The following SLC30A4 variants were observed in gnomAD, a reference collection of about 807,000 sequenced individuals.
The protein encoded by SLC30A4 is probable proton-coupled zinc antiporter SLC30A4.
In SLC30A4, 20 loss-of-function variants were observed where a neutral mutation model predicts 41.7. The observed-to-expected ratio is 0.48, with a 90% confidence interval of 0.34 to 0.70. The LOEUF is 0.70. Ranked by LOEUF, SLC30A4 falls within the 30% of genes least tolerant of loss-of-function variation. SLC30A4 has a pLI of 0.01. For synonymous variants in SLC30A4, 181 were observed against 195.9 expected (o/e 0.92, Z 0.64); for missense variants, 441 against 529.3 (o/e 0.83, Z 1.64).
At chr15:45,493,601 G>A (rs556566579) in intron 3 of SLC30A4, among the ~76,000 whole-genome samples, 1 of 152,294 alleles carries the variant, frequency 6.6e-6, no homozygotes, top group Admixed American at 6.5e-5. Context: ...GCCGAGGCGG[G>A]CGGATCACAA....
chr15:45,516,894 G>C (rs1892496047), intron 2 of SLC30A4, among the ~76,000 whole-genome samples: 1 of 151,994 alleles, frequency 6.6e-6, no homozygotes, highest in Non-Finnish European at 1.5e-5. Context: ...TCCAGCCTGG[G>C]TGACAGAGCG....
At chr15:45,491,012 C>T (rs1891800741) in intron 3 of SLC30A4, 131 bp from the exon 4 acceptor site, 1 of 567,418 alleles carries the variant, frequency 1.8e-6, no homozygotes, top group Non-Finnish European at 2.9e-6. Flanking sequence ...GTTTCTGTCA[C>T]GTCATTTTTC....
At chr15:45,507,406 T>C (rs1285359966) in intron 3 of SLC30A4, among the ~76,000 whole-genome samples, 1 of 151,584 alleles carries the variant, frequency 6.6e-6, no homozygotes, top group Non-Finnish European at 1.5e-5. Flanking sequence ...TTCTTGTATT[T>C]ATTTTTCCAA....
chr15:45,522,385 G>C lies in SLC30A4; in HGVS notation c.-31C>G. On this transcript the variant is annotated 5_prime_UTR_variant, in exon 2 of 8. Coordinates refer to ENST00000261867, the MANE Select transcript of SLC30A4 (RefSeq NM_013309.6). The stretch of plus-strand genomic sequence containing the variant: ...AGGCTGAGCGGCCGCGGTGCGGAAC[G>C]GCTTGGGGGAGGCGGACGGCCGGCG... The C allele has an allele frequency of 1.3e-6, 2 of 1,548,902 alleles. No individual in the cohort carries two copies. The highest frequency in any genetic ancestry group is 1.7e-6 in the Non-Finnish European group (2 of 1,153,578).
At chr15:45,493,637 C>T (rs981792687) in intron 3 of SLC30A4, among the ~76,000 whole-genome samples, 1 of 152,050 alleles carries the variant, frequency 6.6e-6, no homozygotes, top group African/African-American at 2.4e-5. Flanking sequence ...ACCAGCCTGG[C>T]CAATATGGTG....
At position 45,522,242 on chromosome 15, in the gene SLC30A4, T is replaced by C. The variant is rs2140868899; in HGVS notation, c.113A>G (p.Glu38Gly). 2 of 1,614,116 alleles carry C rather than the reference T, an allele frequency of 1.2e-6. No homozygotes were observed. The highest frequency in any genetic ancestry group is 2.2e-5 in the East Asian group (1 of 44,876). Residue 38 changes from glutamate to glycine, a missense_variant, in exon 2 of 8, where the codon GAG becomes GGG. Physicochemically the swap from Glu to Gly is moderately conservative, Grantham distance 98. Coordinates refer to ENST00000261867, the MANE Select transcript of SLC30A4 (RefSeq NM_013309.6). ...AFDFSDEAGDEGLSRFNKLRV... is the reference protein window; with the variant it reads ...AFDFSDEAGDGGLSRFNKLRV... ...AAGTTTGTTGAACCGAGAAAGCCCC[T>C]CGTCCCCCGCCTCATCCGAGAAGTC...
At chr15:45,505,534 C>A (rs1892136992) in intron 3 of SLC30A4, among the ~76,000 whole-genome samples, 2 of 152,132 alleles carry the variant, frequency 1.3e-5, no homozygotes, top group South Asian at 4.1e-4. Flanking sequence ...TCAAAAGGAG[C>A]AAGGGAATAT....
intron 3 of SLC30A4, among the ~76,000 whole-genome samples, chr15:45,498,977 A>G (rs1461911175): frequency 1.3e-5 from 2 of 152,156 alleles, no homozygotes; most frequent in Non-Finnish European, 2.9e-5. Flanking sequence ...ACCCAGGACA[A>G]TCCATCATCT....
chr15:45,513,104 A>G (rs1892348315), intron 2 of SLC30A4, among the ~76,000 whole-genome samples: 2 of 152,122 alleles, frequency 1.3e-5, no homozygotes, highest in African/African-American at 4.8e-5. Flanking sequence ...GTTTGAGACC[A>G]GACTGGGCAA....
chr15:45,500,660 C>CTATCTATCT (rs1038806176), intron 3 of SLC30A4, among the ~76,000 whole-genome samples: 1 of 117,626 alleles, frequency 8.5e-6, no homozygotes, highest in African/African-American at 3.4e-5. Flanking sequence ...ATCTATCTAT[C>CTATCTATCT]TATATGTTTT....
chr15:45,479,840 C>CATATATATAT lies in SLC30A4; in HGVS notation c.*5313_*5322dup, dbSNP rs139116750. The CATATATATAT allele has an allele frequency of 6.9e-6, 1 of 145,598 alleles. No individual in the cohort carries two copies. The highest frequency in any genetic ancestry group is 2.5e-5 in the African/African-American group (1 of 40,044). 9.0% of individuals were successfully genotyped at this position (145,598 alleles called of 1,614,324 possible). ...CAATGTGAAAGTTGCAAATACAGCA[C>CATATATATAT]ATATATATATATATATATATACTTT... On this transcript the variant is annotated 3_prime_UTR_variant, in exon 8 of 8. Coordinates refer to ENST00000261867, the MANE Select transcript of SLC30A4 (RefSeq NM_013309.6).
chr15:45,489,267 A>G (rs1258261728), intron 4 of SLC30A4, among the ~76,000 whole-genome samples: 1 of 152,140 alleles, frequency 6.6e-6, no homozygotes, highest in Non-Finnish European at 1.5e-5. Flanking sequence ...AGAGAAGCCA[A>G]CAAATAAGTA....
Position 45,484,949 on chromosome 15 carries a change from T to C in SLC30A4, c.*214A>G. On this transcript the variant is annotated 3_prime_UTR_variant, in exon 8 of 8. Coordinates refer to ENST00000261867, the MANE Select transcript of SLC30A4 (RefSeq NM_013309.6). ...TCACATCTCATTCTGTAAACAGTGT[T>C]TGGGAAACATCTTCATCTGAAAATT... The C allele has an allele frequency of 1.9e-6, 1 of 532,210 alleles. No individual in the cohort carries two copies. Among genetic ancestry groups the C allele is most frequent in the East Asian group, 3.2e-5 (1 of 31,530 alleles). The allele number at this position is 532,210 out of a possible 1,614,324, so 33.0% of individuals were successfully genotyped here. A position where few individuals can be genotyped will look rare whatever the true frequency, so the allele number is the denominator to read the frequency against.
Position 45,485,211 on chromosome 15 carries a change from C to A in SLC30A4, c.1242G>T (p.Arg414Ser). The A allele has an allele frequency of 6.2e-7, 1 of 1,613,392 alleles. No individual in the cohort carries two copies. Among genetic ancestry groups the A allele is most frequent in the Non-Finnish European group, 8.5e-7 (1 of 1,179,684 alleles). Reference sequence around the variant, plus strand: ...TTGCACAAGTTCTGTCCACTTCTTGCCTGTAACTCTGAAGCTGAATAGTAC... The same window carrying A: ...TTGCACAAGTTCTGTCCACTTCTTGACTGTAACTCTGAAGCTGAATAGTAC... The part of the protein sequence containing the change: ...YRCTIQLQSY[R>S]QEVDRTCANC... The change falls in exon 8 of 8, where the codon AGG becomes AGT. Residue 414 changes from arginine (R) to serine (S), a missense_variant. Coordinates refer to ENST00000261867, the MANE Select transcript of SLC30A4 (RefSeq NM_013309.6).
chr15:45,490,747 C>A lies in SLC30A4; in HGVS notation c.673G>T (p.Gly225Ter). Residue 225 changes from glycine to a stop codon, truncating the protein, a stop_gained, in exon 4 of 8, where the codon GGA (glycine) becomes TGA (stop). Transcript: ENST00000261867. LOFTEE classifies it high-confidence loss of function. ...GDIMLITAAVGVAVNVIMGFL... is the reference protein window; with the variant it reads ...GDIMLITAAV ...GCTTACATTACATTAACTGCAACTC[C>A]AACAGCTGCGGTGATGAGCATTATA... 6.2e-7 allele frequency: 1 copy of A among 1,600,992 alleles called. No individual in the cohort carries two copies.
At chr15:45,518,069 C>A (rs1439345250) in intron 2 of SLC30A4, among the ~76,000 whole-genome samples, 1 of 152,258 alleles carries the variant, frequency 6.6e-6, no homozygotes, top group Non-Finnish European at 1.5e-5. Context: ...CCTCCTGCCT[C>A]TTTCCCTCAT....
Position 45,520,280 on chromosome 15 carries a change from T to G in SLC30A4, c.391+1684A>C, listed in dbSNP as rs1419990440. Among the ~76,000 whole-genome samples, 3 of 151,570 alleles carry G rather than the reference T, an allele frequency of 2.0e-5. No homozygotes were observed. The South Asian group carries it at 6.2e-4, about 31-fold the overall frequency. On this transcript the variant is annotated intron_variant, in intron 2 of 7. Transcript: ENST00000261867. ...TTTATTTATTATTTTATTTACTTAT[T>G]TTTTTTTGAGACGGATTCTCACCCT...
intron 2 of SLC30A4, among the ~76,000 whole-genome samples, chr15:45,514,249 T>C (rs1240883742): frequency 1.3e-5 from 2 of 150,676 alleles, no homozygotes; most frequent in Admixed American, 6.7e-5. Context: ...GGTGCTGAGG[T>C]AGAAGAATTA....
chr15:45,500,221 G>T (rs548193212), intron 3 of SLC30A4, among the ~76,000 whole-genome samples: 6 of 152,272 alleles, frequency 3.9e-5, no homozygotes, highest in African/African-American at 9.6e-5. Context: ...GTAGAAGAGG[G>T]AAGGAAAAAC....
Sources: gnomAD v4.1 joint callset for allele counts (sites outside exome capture counted in the v4.1 genomes callset) on GRCh38, gnomAD v4.1.1 for gene constraint, MANE v1.5 for transcripts, NCBI Gene and HGNC (gene_info 2026-07-23, HGNC 2026-07-21) for gene names.